UTRN: variants seen among roughly 807,000 people sequenced by gnomAD.
The protein encoded by UTRN is dystrophin-related protein 1.
A neutral mutation model predicts 463.9 loss-of-function variants in UTRN; 283 were observed. That is an observed-to-expected ratio of 0.61 (90% confidence interval 0.55 to 0.67). UTRN has a LOEUF of 0.67. Among genes scored for constraint, UTRN ranks in the 30% least tolerant of loss-of-function variants. UTRN has a pLI of 0.00. For missense variants in UTRN, 3,922 were observed against 4,084.3 expected (o/e 0.96, Z 1.08); for synonymous variants, 1,442 against 1,431.5 (o/e 1.01, Z -0.17).
chr6:144,403,303 A>G, intron 3 of UTRN, 119 bp downstream of exon 3: 1 of 795,850 alleles, frequency 1.3e-6, no homozygotes, highest in Non-Finnish European at 2.1e-6. Flanking sequence ...TCTTCTGAGT[A>G]TGCAGATACA....
intron 51 of UTRN, among the ~76,000 whole-genome samples, chr6:144,613,693 G>A (rs1805766558): frequency 6.6e-6 from 1 of 151,850 alleles, no homozygotes; most frequent in African/African-American, 2.4e-5. Flanking sequence ...TGTGGTGGTG[G>A]TCCCGCTACT....
chr6:144,574,245 T>C (rs926948809), intron 50 of UTRN, among the ~76,000 whole-genome samples: 11 of 152,152 alleles, frequency 7.2e-5, no homozygotes, highest in Non-Finnish European at 1.5e-4. Flanking sequence ...GCGAGGAAAT[T>C]TGAACTGATT....
At position 144,540,506 on chromosome 6, in the gene UTRN, G is replaced by T. The variant is rs1315867985; in HGVS notation, c.6519+1063G>T. 1.3e-5 allele frequency among the ~76,000 whole-genome samples: 2 copies of T among 152,102 alleles called. 1 individual carries two copies. The highest frequency in any genetic ancestry group is 4.1e-4 in the South Asian group (2 of 4,822). ...TGTGATTCACACATGTGTATCTCTG[G>T]TCTGGACCTTTCTCCATACTCTAAA... On this transcript the variant is annotated intron_variant, in intron 45 of 74. Coordinates refer to ENST00000367545, the MANE Select transcript of UTRN (RefSeq NM_007124.3).
At position 144,659,905 on chromosome 6, in the gene UTRN, C is replaced by T. The variant is rs1779695967; in HGVS notation, c.7480-18501C>T. ...GCCTGCAGGTCATTAGTGAGGTGAG[C>T]AGAAGGGAATCCTGGACTTCCCAGA... On this transcript the variant is annotated intron_variant, in intron 51 of 74. Transcript: ENST00000367545. 3 of 238,440 alleles carry T rather than the reference C, an allele frequency of 1.3e-5. 1 individual carries two copies. The Admixed American group carries it at 1.4e-4, about 11-fold the overall frequency. The allele number at this position is 238,440 out of a possible 1,614,324, so 14.8% of individuals were successfully genotyped here. A position where few individuals can be genotyped will look rare whatever the true frequency, so the allele number is the denominator to read the frequency against.
At chr6:144,592,174 A>G (rs947730657) in intron 51 of UTRN, among the ~76,000 whole-genome samples, 3 of 152,030 alleles carry the variant, frequency 2.0e-5, no homozygotes, top group African/African-American at 7.2e-5. Flanking sequence ...ATAAAATTCT[A>G]TTGAGTGGCT....
intron 54 of UTRN, among the ~76,000 whole-genome samples, chr6:144,739,583 C>G (rs1789820911): frequency 1.3e-5 from 2 of 152,156 alleles, no homozygotes; most frequent in African/African-American, 4.8e-5. Context: ...CACAGCTTCC[C>G]TAAGTGTAGG....
At chr6:144,596,715 T>G (rs952028695) in intron 51 of UTRN, among the ~76,000 whole-genome samples, 2 of 152,118 alleles carry the variant, frequency 1.3e-5, no homozygotes, top group Non-Finnish European at 2.9e-5. Flanking sequence ...TTGAGTCTGG[T>G]TGTCAGTATA....
chr6:144,564,178 A>G (rs1800186142), intron 50 of UTRN, among the ~76,000 whole-genome samples: 1 of 152,192 alleles, frequency 6.6e-6, no homozygotes, highest in Admixed American at 6.5e-5. Context: ...TAAGTGGTAA[A>G]TAGGAAAATA....
At chr6:144,481,966 G>T (rs1421433927) in intron 26 of UTRN, among the ~76,000 whole-genome samples, 2 of 152,198 alleles carry the variant, frequency 1.3e-5, no homozygotes, top group Non-Finnish European at 1.5e-5. Flanking sequence ...GGCTGAGGCA[G>T]GAGAATTTCT....
chr6:144,810,310 T>C (rs1430275710), intron 65 of UTRN, among the ~76,000 whole-genome samples: 4 of 152,178 alleles, frequency 2.6e-5, no homozygotes, highest in Admixed American at 1.3e-4. Flanking sequence ...CCTTGCCAAG[T>C]GTAAACATCC....
intron 51 of UTRN, among the ~76,000 whole-genome samples, chr6:144,617,724 C>T (rs968668627): frequency 2.6e-5 from 4 of 151,994 alleles, no homozygotes; most frequent in South Asian, 2.1e-4. Flanking sequence ...TTCAGCTCTT[C>T]GTAAATGTCC....
At chr6:144,732,237 TAC>T (rs1554359903) in intron 54 of UTRN, among the ~76,000 whole-genome samples, 26,678 of 86,028 alleles carry the variant, frequency 0.31, 3,506 homozygotes, top group East Asian at 0.67. Context: ...TATATATATA[TAC>T]ATATATATAT....
intron 52 of UTRN, among the ~76,000 whole-genome samples, chr6:144,690,589 A>G (rs754891169): frequency 7.9e-5 from 12 of 152,144 alleles, no homozygotes; most frequent in Non-Finnish European, 1.5e-4. Flanking sequence ...AGTTGGGAGC[A>G]TCTCTTAACC....
At chr6:144,689,657 G>A (rs1209472574) in intron 52 of UTRN, among the ~76,000 whole-genome samples, 1 of 152,074 alleles carries the variant, frequency 6.6e-6, no homozygotes, top group Admixed American at 6.5e-5. Context: ...CTGTCCTGAA[G>A]TCTCACAGCA....
In UTRN at chr6:144,756,382, T is replaced by C. The variant is rs148817228; in HGVS notation, c.8435-1547T>C. Among the ~76,000 whole-genome samples the C allele has an allele frequency of 2.4e-3, 369 of 152,322 alleles. 6 individuals are homozygous for C. The highest frequency in any genetic ancestry group is 8.5e-3 in the African/African-American group (355 of 41,586). Reference sequence around the variant, plus strand: ...TGGAAGTGAAATATTGTGAAATTTATACACATTTTTGTAAAAGTCAAATAC... The same window carrying C: ...TGGAAGTGAAATATTGTGAAATTTACACACATTTTTGTAAAAGTCAAATAC... On this transcript the variant is annotated intron_variant, in intron 57 of 74. Coordinates refer to ENST00000367545, the MANE Select transcript of UTRN (RefSeq NM_007124.3).
intron 54 of UTRN, among the ~76,000 whole-genome samples, chr6:144,736,025 T>C (rs1413539138): frequency 6.6e-6 from 1 of 152,216 alleles, no homozygotes; most frequent in Non-Finnish European, 1.5e-5. Flanking sequence ...AAAGAAGTCA[T>C]GTCAATTTAA....
At chr6:144,829,377 T>C (rs1019605013) in intron 69 of UTRN, among the ~76,000 whole-genome samples, 1 of 152,150 alleles carries the variant, frequency 6.6e-6, no homozygotes, top group Admixed American at 6.6e-5. Context: ...TCATTGACTT[T>C]AGAATACTAA....
chr6:144,852,267 T>C lies in UTRN; in HGVS notation c.*1270T>C, dbSNP rs1214899749. 4.6e-5 allele frequency: 7 copies of C among 152,180 alleles called. No homozygotes were observed. Among genetic ancestry groups the C allele is most frequent in the Non-Finnish European group, 7.4e-5 (5 of 68,020 alleles). 9.4% of individuals were successfully genotyped at this position (152,180 alleles called of 1,614,324 possible). A position where few individuals can be genotyped will look rare whatever the true frequency, so the allele number is the denominator to read the frequency against. On this transcript the variant is annotated 3_prime_UTR_variant, in exon 75 of 75. Transcript: ENST00000367545. ...GTACCTCCACCTACATCTTTTTGAG[T>C]GCATTCAATTATGTATTTTGGTTTA...
Position 144,628,724 on chromosome 6 carries a change from T to C in UTRN, c.7480-49682T>C, listed in dbSNP as rs1423394927. On this transcript the variant is annotated intron_variant, in intron 51 of 74. Coordinates refer to ENST00000367545, the MANE Select transcript of UTRN (RefSeq NM_007124.3). Reference sequence around the variant, plus strand: ...GATTCCATTTTGGTTGGTATGTGACTATTAAGGGTTCTTACAGTATGGTGA... The same window carrying C: ...GATTCCATTTTGGTTGGTATGTGACCATTAAGGGTTCTTACAGTATGGTGA... Among the ~76,000 whole-genome samples, 7 of 152,208 alleles carry C rather than the reference T, an allele frequency of 4.6e-5. No homozygotes were observed. In the East Asian group the frequency reaches 1.3e-3, roughly 29 times the overall value.
Sources: allele counts gnomAD v4.1 joint callset (sites outside exome capture counted in the v4.1 genomes callset), GRCh38; gene constraint gnomAD v4.1.1; transcripts MANE v1.5; gene names NCBI Gene and HGNC (gene_info 2026-07-23, HGNC 2026-07-21).